Variants in GLCCI1 observed in about 807,000 individuals in gnomAD.
GLCCI1 encodes glucocorticoid induced 1, also known as glucocorticoid-induced transcript 1 protein.
A neutral mutation model predicts 52.2 loss-of-function variants in GLCCI1; 24 were observed. The ratio of observed to expected loss-of-function variants is 0.46; its 90% confidence interval spans 0.33 to 0.65. The LOEUF (loss-of-function observed/expected upper bound fraction) is 0.65. Among genes scored for constraint, GLCCI1 ranks in the 30% least tolerant of loss-of-function variants. GLCCI1 has a pLI of 0.02. For synonymous variants in GLCCI1, 310 were observed against 276.5 expected, an observed-to-expected ratio of 1.12 and a Z score of -1.20; for missense variants, 704 against 701.5, an observed-to-expected ratio of 1.00 and a Z score of -0.04.
chr7:8,026,996 G>A (rs1031599394), intron 3 of GLCCI1, among the ~76,000 whole-genome samples: 4 of 152,144 alleles, frequency 2.6e-5, no homozygotes, highest in Non-Finnish European at 5.9e-5. Context: ...TTGAATACCT[G>A]GAAAGCCTTC....
intron 3 of GLCCI1, among the ~76,000 whole-genome samples, chr7:8,048,284 C>G (rs1782179229): frequency 6.6e-6 from 1 of 151,964 alleles, no homozygotes; most frequent in South Asian, 2.1e-4. Context: ...TAGAAATAAC[C>G]TTCAGCTTCT....
intron 1 of GLCCI1, among the ~76,000 whole-genome samples, chr7:7,993,142 A>G (rs1055960842): frequency 6.8e-4 from 104 of 152,258 alleles, no homozygotes; most frequent in Non-Finnish European, 8.5e-4. Flanking sequence ...CAATAACTTT[A>G]GGAAGAATCT....
chr7:8,046,201 C>A (rs150985792), intron 3 of GLCCI1, among the ~76,000 whole-genome samples: 18 of 151,972 alleles, frequency 1.2e-4, no homozygotes, highest in African/African-American at 4.3e-4. Flanking sequence ...AATCAAGTCA[C>A]GTAGAACATA....
intron 3 of GLCCI1, among the ~76,000 whole-genome samples, chr7:8,050,513 TAA>T (rs1479368233): frequency 6.6e-6 from 1 of 152,210 alleles, no homozygotes; most frequent in Non-Finnish European, 1.5e-5. Context: ...TTATAAACAT[TAA>T]AGTTTGTCGT....
chr7:8,039,409 T>A (rs1396574106), intron 3 of GLCCI1, among the ~76,000 whole-genome samples: 2 of 152,208 alleles, frequency 1.3e-5, no homozygotes, highest in African/African-American at 4.8e-5. Context: ...TGTGTCTGTG[T>A]GTGTGTATAT....
chr7:8,058,593 C>G (rs1042288605), intron 4 of GLCCI1, among the ~76,000 whole-genome samples: 2 of 152,110 alleles, frequency 1.3e-5, no homozygotes, highest in African/African-American at 4.8e-5. Context: ...AATTGGATTA[C>G]TGTGTGGGGG....
chr7:7,999,569 T>C (rs1360962954), intron 1 of GLCCI1, among the ~76,000 whole-genome samples: 4 of 152,076 alleles, frequency 2.6e-5, no homozygotes, highest in Non-Finnish European at 5.9e-5. Flanking sequence ...ATCACGCCGG[T>C]ACACTCCAGC....
In GLCCI1 at chr7:8,074,642, G is replaced by A. The variant is rs529847219; in HGVS notation, c.1177+3511G>A. 5.3e-5 allele frequency among the ~76,000 whole-genome samples: 8 copies of A among 152,194 alleles called. No individual in the cohort carries two copies. In the East Asian group the frequency reaches 5.8e-4, roughly 11 times the overall value. ...GGAGGTTGCAGCAAGCCGAGATCACGTCACTGCATTCCAGCCTGGGCAACA... is the reference window on the plus strand; with the variant it reads ...GGAGGTTGCAGCAAGCCGAGATCACATCACTGCATTCCAGCCTGGGCAACA... On this transcript the variant is annotated intron_variant, in intron 6 of 7. Coordinates refer to ENST00000223145, the MANE Select transcript of GLCCI1 (RefSeq NM_138426.4).
chr7:7,983,094 C>T (rs990956349), intron 1 of GLCCI1, among the ~76,000 whole-genome samples: 6 of 151,992 alleles, frequency 3.9e-5, no homozygotes, highest in East Asian at 1.9e-4. Context: ...TAATGAAGTA[C>T]GTGTTGTAGT....
At chr7:7,992,083 C>CTTTCTTTCTT (rs1780850434) in intron 1 of GLCCI1, among the ~76,000 whole-genome samples, 2 of 141,796 alleles carry the variant, frequency 1.4e-5, no homozygotes, top group South Asian at 4.5e-4. Flanking sequence ...TTCTTTCTTT[C>CTTTCTTTCTT]TTTCTTTCTT....
intron 1 of GLCCI1, among the ~76,000 whole-genome samples, chr7:7,992,933 T>A (rs1307033645): frequency 6.6e-6 from 1 of 152,170 alleles, no homozygotes; most frequent in African/African-American, 2.4e-5. Context: ...TTTTCATATC[T>A]TCCTTGCTGT....
intron 3 of GLCCI1, among the ~76,000 whole-genome samples, chr7:8,044,317 T>TCCTTGACATA (rs1782072147): frequency 6.6e-6 from 1 of 151,916 alleles, no homozygotes; most frequent in South Asian, 2.1e-4. Flanking sequence ...ATCATCATCT[T>TCCTTGACATA]CCTTGACATA....
At chr7:8,053,142 G>A (rs1263545365) in intron 3 of GLCCI1, among the ~76,000 whole-genome samples, 6 of 151,754 alleles carry the variant, frequency 4.0e-5, no homozygotes, top group African/African-American at 1.5e-4. Context: ...GTTCTCAGAT[G>A]TTAAGTAAGG....
intron 3 of GLCCI1, among the ~76,000 whole-genome samples, chr7:8,042,263 G>A (rs73242194): frequency 0.033 from 5,064 of 152,266 alleles, 268 homozygotes; most frequent in African/African-American, 0.11. Context: ...AGTACATTTT[G>A]TAAGGCTTAC....
chr7:8,082,967 T>A (rs1783028674), intron 6 of GLCCI1, among the ~76,000 whole-genome samples: 1 of 152,124 alleles, frequency 6.6e-6, no homozygotes, highest in Non-Finnish European at 1.5e-5. Flanking sequence ...TACGTGATAA[T>A]AGAGTGGATC....
chr7:8,057,707 T>G (rs952677920), intron 4 of GLCCI1, among the ~76,000 whole-genome samples: 5 of 152,272 alleles, frequency 3.3e-5, no homozygotes, highest in Middle Eastern at 6.8e-3. Context: ...GAAGTGAAAA[T>G]TCTTATATGC....
In GLCCI1 at chr7:8,055,417, T is replaced by C; in HGVS notation, c.697-16T>C. The C allele has an allele frequency of 6.5e-7, 1 of 1,539,888 alleles. No homozygotes were observed. Among genetic ancestry groups the C allele is most frequent in the Non-Finnish European group, 9.0e-7 (1 of 1,114,536 alleles). On this transcript the variant is annotated splice_polypyrimidine_tract_variant and intron_variant, in intron 3 of 7. Transcript: ENST00000223145. ...ACTTTTATTCTCTTCTTACTTCTCT[T>C]TCCCTGTCCCCAAAGCAGATCGCCA...
chr7:8,005,416 T>C (rs957664598), intron 2 of GLCCI1, among the ~76,000 whole-genome samples: 3 of 152,080 alleles, frequency 2.0e-5, no homozygotes, highest in Non-Finnish European at 4.4e-5. Context: ...GGAGTTAATA[T>C]TTATTAACTG....
chr7:8,016,470 AAAAC>A (rs936215558), intron 2 of GLCCI1, among the ~76,000 whole-genome samples: 4 of 152,206 alleles, frequency 2.6e-5, no homozygotes, highest in South Asian at 4.1e-4. Context: ...CTCCATCTCA[AAAAC>A]AAACAAAAAA....
Sources: gnomAD v4.1 joint callset for allele counts (sites outside exome capture counted in the v4.1 genomes callset) on GRCh38, gnomAD v4.1.1 for gene constraint, MANE v1.5 for transcripts, NCBI Gene and HGNC (gene_info 2026-07-23, HGNC 2026-07-21) for gene names.